Variants in PTP4A1 observed in about 807,000 individuals in gnomAD.
PTP4A1 encodes the protein protein tyrosine phosphatase 4A1, also known as protein tyrosine phosphatase type IVA 1.
In PTP4A1, 9 loss-of-function variants were observed where a neutral mutation model predicts 20.5. The ratio of observed to expected loss-of-function variants is 0.44; its 90% CI spans 0.26 to 0.77. The LOEUF (loss-of-function observed/expected upper bound fraction) is 0.77, where lower values mean the gene tolerates loss of function less well. Among genes scored for constraint, PTP4A1 ranks in the 30% least tolerant of loss-of-function variants. The pLI, the probability that PTP4A1 is intolerant of heterozygous loss-of-function variation, is 0.19. For synonymous variants in PTP4A1, 78 were observed against 67.4 expected (o/e 1.16, Z -0.77); for missense variants, 137 against 218.8 (o/e 0.63, Z 2.36).
At chr6:63,544,010 A>G (rs539828566) in intron 2 of PTP4A1, among the ~76,000 whole-genome samples, 2 of 152,238 alleles carry the variant, frequency 1.3e-5, no homozygotes, top group African/African-American at 4.8e-5. Flanking sequence ...TCAACCATTC[A>G]TTTCCTTCAC....
chr6:63,569,310 C>T (rs539121190), upstream of PTP4A1, among the ~76,000 whole-genome samples: 291 of 152,330 alleles, frequency 1.9e-3, 2 homozygotes, highest in South Asian at 9.5e-3. Flanking sequence ...GGCTAGAGTG[C>T]AGTGCCATGA....
intron 2 of PTP4A1, chr6:63,548,823 C>G (rs1776310778): frequency 1.3e-6 from 1 of 749,612 alleles, no homozygotes; most frequent in Admixed American, 1.8e-5. Flanking sequence ...CTCATTGTAT[C>G]TGTCATTGTA....
At chr6:63,521,039 C>T (rs1360171268), upstream of PTP4A1, among the ~76,000 whole-genome samples, 1 of 151,836 alleles carries the variant, frequency 6.6e-6, no homozygotes, top group Non-Finnish European at 1.5e-5. Context: ...ACAATGAGAA[C>T]ACATGGACAC....
intron 3 of PTP4A1, among the ~76,000 whole-genome samples, chr6:63,553,226 A>T (rs1776528659): frequency 6.6e-6 from 1 of 152,214 alleles, no homozygotes. Context: ...AGTTTAACGT[A>T]ATCTGTTGAT....
chr6:63,534,084 C>T (rs1775594692), intron 2 of PTP4A1, among the ~76,000 whole-genome samples: 1 of 152,098 alleles, frequency 6.6e-6, no homozygotes, highest in Non-Finnish European at 1.5e-5. Flanking sequence ...CTCAAGTGAT[C>T]TGCCCACCTT....
chr6:63,562,007 A>G (rs1776978578), intron 3 of PTP4A1, among the ~76,000 whole-genome samples: 1 of 152,186 alleles, frequency 6.6e-6, no homozygotes, highest in Non-Finnish European at 1.5e-5. Flanking sequence ...TTTGGAAAAA[A>G]AATACAAAAT....
At chr6:63,568,671 C>A (rs1379664996), upstream of PTP4A1, among the ~76,000 whole-genome samples, 7 of 146,588 alleles carry the variant, frequency 4.8e-5, no homozygotes, top group Non-Finnish European at 7.6e-5. Context: ...AAAAAAAAAA[C>A]AATATTTGCA....
At chr6:63,564,281 A>C (rs1040872327) in intron 3 of PTP4A1, among the ~76,000 whole-genome samples, 1 of 152,058 alleles carries the variant, frequency 6.6e-6, no homozygotes, top group African/African-American at 2.4e-5. Flanking sequence ...GTCTCAAAAA[A>C]AAAAAAAAAG....
chr6:63,573,947 G>T (rs780508035), intron 1 of PTP4A1, among the ~76,000 whole-genome samples: 26 of 152,148 alleles, frequency 1.7e-4, no homozygotes, highest in African/African-American at 6.0e-4. Flanking sequence ...GTTGCCTCCT[G>T]TTGGTTTGTG....
intron 2 of PTP4A1, among the ~76,000 whole-genome samples, chr6:63,539,438 C>T (rs1040336609): frequency 2.0e-5 from 3 of 152,084 alleles, no homozygotes; most frequent in African/African-American, 4.8e-5. Context: ...AATCATTATT[C>T]TTTATGGTTT....
At chr6:63,565,610 G>A (rs902065957) in intron 3 of PTP4A1, among the ~76,000 whole-genome samples, 22 of 152,164 alleles carry the variant, frequency 1.4e-4, no homozygotes, top group African/African-American at 5.3e-4. Flanking sequence ...GTGGGTGACT[G>A]TTTCTATATG....
chr6:63,526,702 G>A (rs369639606), intron 1 of PTP4A1, among the ~76,000 whole-genome samples: 3 of 150,290 alleles, frequency 2.0e-5, no homozygotes, highest in South Asian at 2.1e-4. Context: ...CAGCTACTCC[G>A]GAGGCTGCAT....
At chr6:63,564,073 G>A (rs901061605) in intron 3 of PTP4A1, among the ~76,000 whole-genome samples, 2 of 152,062 alleles carry the variant, frequency 1.3e-5, no homozygotes, top group Admixed American at 1.3e-4. Context: ...TCAGGAGTTC[G>A]AGACCAGCCT....
chr6:63,531,482 G>A (rs1377272052), intron 2 of PTP4A1, among the ~76,000 whole-genome samples: 3 of 143,832 alleles, frequency 2.1e-5, no homozygotes, highest in Non-Finnish European at 3.0e-5. Flanking sequence ...TGTAATATTT[G>A]TATTAAGTTC....
chr6:63,572,855 G>A, intron 1 of PTP4A1, 136 bp downstream of exon 1: 2 of 394,174 alleles, frequency 5.1e-6, no homozygotes, highest in Non-Finnish European at 9.0e-6. Context: ...TCCCGGGTGG[G>A]AGCGGGCGGG....
intron 1 of PTP4A1, among the ~76,000 whole-genome samples, chr6:63,527,330 C>T (rs911582307): frequency 6.6e-6 from 1 of 152,194 alleles, no homozygotes; most frequent in African/African-American, 2.4e-5. Flanking sequence ...TGCCATATAT[C>T]TTACAGATTC....
At chr6:63,561,988 A>G (rs1027739836) in intron 3 of PTP4A1, among the ~76,000 whole-genome samples, 2 of 152,130 alleles carry the variant, frequency 1.3e-5, no homozygotes, top group Non-Finnish European at 2.9e-5. Context: ...CAACTGTAAG[A>G]GTATCATTTT....
rs199703036 is a variant in PTP4A1 at position 63,575,201 on chromosome 6, T to A, written c.-445-1235T>A. ...TGAATTTTAATTTTAAGACTTCAAA[T>A]GCTTAAATTTAAGCATGGAAACTAA... On this transcript the variant is annotated intron_variant, in intron 1 of 5. Coordinates refer to ENST00000626021, the MANE Select transcript of PTP4A1 (RefSeq NM_003463.5). Among the ~76,000 whole-genome samples the A allele has an allele frequency of 5.3e-5, 8 of 152,340 alleles. No homozygotes were observed. The East Asian group carries it at 1.5e-3, about 29-fold the overall frequency.
At chr6:63,579,922 C>CT in intron 5 of PTP4A1, 135 bp from the exon 6 acceptor site, 2 of 666,810 alleles carry the variant, frequency 3.0e-6, no homozygotes, top group Non-Finnish European at 5.3e-6. Context: ...GTTCATATTC[C>CT]TTTCTGCATC....
Sources: allele counts gnomAD v4.1 joint callset (sites outside exome capture counted in the v4.1 genomes callset), GRCh38; gene constraint gnomAD v4.1.1; transcripts MANE v1.5; gene names NCBI Gene and HGNC (gene_info 2026-07-23, HGNC 2026-07-21).